Variants in ARB2A observed in about 807,000 individuals in gnomAD.
ARB2A encodes the protein cotranscriptional regulator ARB2A.
chr5:93,949,628 C>T, the ARB2A span, among the ~76,000 whole-genome samples: 1 of 151,932 alleles, frequency 6.6e-6, no homozygotes, highest in Non-Finnish European at 1.5e-5. Context: ...TCACCTCAAG[C>T]ATTTATCCTG....
the ARB2A span, among the ~76,000 whole-genome samples, chr5:93,875,475 GC>G: frequency 6.6e-6 from 1 of 151,998 alleles, no homozygotes; most frequent in East Asian, 1.9e-4. Flanking sequence ...CAGGCAATCT[GC>G]CCATTTGGCC....
At chr5:93,819,810 ACCAGT>A in the ARB2A span, among the ~76,000 whole-genome samples, 1 of 152,322 alleles carries the variant, frequency 6.6e-6, no homozygotes, top group African/African-American at 2.4e-5. Context: ...TATGTCCAAA[ACCAGT>A]CCTCTATCAG....
the ARB2A span, among the ~76,000 whole-genome samples, chr5:94,084,654 G>T: frequency 6.6e-6 from 1 of 152,132 alleles, no homozygotes; most frequent in Non-Finnish European, 1.5e-5. Flanking sequence ...AAGAAAGCAT[G>T]CCATTAATAC....
the ARB2A span, among the ~76,000 whole-genome samples, chr5:93,964,095 A>G: frequency 6.6e-6 from 1 of 152,088 alleles, no homozygotes; most frequent in Non-Finnish European, 1.5e-5. Flanking sequence ...TTAAAGAGAT[A>G]GTGAATGTCT....
the ARB2A span, among the ~76,000 whole-genome samples, chr5:93,708,902 T>C: frequency 6.6e-6 from 1 of 152,170 alleles, no homozygotes; most frequent in Non-Finnish European, 1.5e-5. Flanking sequence ...ATTTAAACGA[T>C]ATAAAGTTTA....
chr5:93,862,828 G>C, the ARB2A span: 1 of 152,100 alleles, frequency 6.6e-6, no homozygotes, highest in Non-Finnish European at 1.5e-5. Context: ...TCTTTATAAT[G>C]TTCAACCTTT....
At chr5:94,036,257 A>C in the ARB2A span, among the ~76,000 whole-genome samples, 1 of 152,172 alleles carries the variant, frequency 6.6e-6, no homozygotes, top group Non-Finnish European at 1.5e-5. Flanking sequence ...ATATGGTCCA[A>C]ATATCAAAAT....
chr5:93,755,144 C>T, the ARB2A span, among the ~76,000 whole-genome samples: 2 of 152,078 alleles, frequency 1.3e-5, no homozygotes, highest in East Asian at 3.9e-4. Flanking sequence ...TTCTGATGAA[C>T]TCAAAATGTC....
chr5:93,817,249 A>G, the ARB2A span, among the ~76,000 whole-genome samples: 1 of 152,200 alleles, frequency 6.6e-6, no homozygotes, highest in African/African-American at 2.4e-5. Flanking sequence ...AGCTTCAAAA[A>G]TAATCAAATA....
the ARB2A span, among the ~76,000 whole-genome samples, chr5:93,829,815 A>C: frequency 1.3e-5 from 2 of 152,224 alleles, no homozygotes; most frequent in Non-Finnish European, 2.9e-5. Context: ...AAAAGTAAGA[A>C]AATGGTTAAC....
chr5:93,994,305 T>C, the ARB2A span, among the ~76,000 whole-genome samples: 1 of 152,088 alleles, frequency 6.6e-6, no homozygotes, highest in Non-Finnish European at 1.5e-5. Context: ...AAAATATGGT[T>C]CACACACACA....
the ARB2A span, among the ~76,000 whole-genome samples, chr5:94,045,969 A>AT: frequency 6.6e-6 from 1 of 152,216 alleles, no homozygotes; most frequent in African/African-American, 2.4e-5. Context: ...ATTGTAACAG[A>AT]AGAGATGAGG....
chr5:93,795,260 C>T, the ARB2A span, among the ~76,000 whole-genome samples: 8 of 152,108 alleles, frequency 5.3e-5, no homozygotes, highest in Non-Finnish European at 1.0e-4. Context: ...GGCCTCACCC[C>T]GCTCCCATGC....
At chr5:93,686,224 G>A in the ARB2A span, among the ~76,000 whole-genome samples, 1 of 152,152 alleles carries the variant, frequency 6.6e-6, no homozygotes, top group African/African-American at 2.4e-5. Context: ...AATAAAGGTT[G>A]ACAAAGGTGT....
the ARB2A span, among the ~76,000 whole-genome samples, chr5:94,000,928 A>G: frequency 6.6e-6 from 1 of 152,186 alleles, no homozygotes; most frequent in African/African-American, 2.4e-5. Flanking sequence ...CTGTATTGCC[A>G]TTGATCCTCT....
the ARB2A span, among the ~76,000 whole-genome samples, chr5:93,932,750 TCAA>T: frequency 1.3e-5 from 2 of 152,228 alleles, no homozygotes; most frequent in Non-Finnish European, 2.9e-5. Context: ...CAACAATTTT[TCAA>T]CAATCACTAT....
At chr5:93,854,943 G>C in the ARB2A span, among the ~76,000 whole-genome samples, 1 of 152,180 alleles carries the variant, frequency 6.6e-6, no homozygotes, top group African/African-American at 2.4e-5. Flanking sequence ...TGTTGATTTG[G>C]GGTGGAGAGT....
the ARB2A span, among the ~76,000 whole-genome samples, chr5:93,765,720 A>G: frequency 6.6e-6 from 1 of 152,184 alleles, no homozygotes; most frequent in African/African-American, 2.4e-5. Flanking sequence ...AAAAGAGCCC[A>G]CATTGCCAAG....
At chr5:94,109,628 T>C in the ARB2A span, among the ~76,000 whole-genome samples, 1 of 152,146 alleles carries the variant, frequency 6.6e-6, no homozygotes, top group Admixed American at 6.6e-5. Context: ...TAAATATTCA[T>C]TCTTGAGATT....
Sources: allele counts gnomAD v4.1 joint callset (sites outside exome capture counted in the v4.1 genomes callset), GRCh38; gene constraint gnomAD v4.1.1; transcripts MANE v1.5; gene names NCBI Gene and HGNC (gene_info 2026-07-23, HGNC 2026-07-21).